The following EEFSEC variants were observed in gnomAD, a reference collection of about 807,000 sequenced individuals.
EEFSEC encodes selenocysteine-specific elongation factor.
Under a neutral mutation model 42.1 loss-of-function variants are expected in EEFSEC, and 43 were observed. The observed-to-expected ratio is 1.02, with a 90% CI of 0.80 to 1.32. The LOEUF is 1.32. Among genes scored for constraint, EEFSEC ranks in the 40% most tolerant of loss-of-function variants. The pLI, the probability that EEFSEC is intolerant of heterozygous loss-of-function variation, is 0.00. For missense variants in EEFSEC, 745 were observed against 803.6 expected, an observed-to-expected ratio of 0.93 and a Z score of 0.88; for synonymous variants, 354 against 339.1, an observed-to-expected ratio of 1.04 and a Z score of -0.48.
Position 128,389,409 on chromosome 3 carries a change from G to C in EEFSEC, c.1601-18660G>C, listed in dbSNP as rs559636638. ...CTCAGCCATCCCAGACAGATTTTCT[G>C]TTCAGCCTTGGTTGCCATATGAGGA... On this transcript the variant is annotated intron_variant, in intron 6 of 6. Transcript: ENST00000254730. 1.2e-4 allele frequency among the ~76,000 whole-genome samples: 18 copies of C among 152,356 alleles called. No individual in the cohort carries two copies. In the South Asian group the frequency reaches 1.7e-3, roughly 14 times the overall value.
At chr3:128,209,890 G>A (rs1429756863) in intron 1 of EEFSEC, among the ~76,000 whole-genome samples, 1 of 152,206 alleles carries the variant, frequency 6.6e-6, no homozygotes, top group East Asian at 1.9e-4. Context: ...TAACCAAAAT[G>A]TTAATAATTT....
intron 1 of EEFSEC, among the ~76,000 whole-genome samples, chr3:128,207,259 C>A (rs1231688394): frequency 7.1e-6 from 1 of 140,696 alleles, no homozygotes; most frequent in Non-Finnish European, 1.5e-5. Context: ...CCCCTCCCTC[C>A]ATTTTCTTCC....
chr3:128,265,917 C>A (rs2066349288), intron 4 of EEFSEC, among the ~76,000 whole-genome samples: 1 of 152,156 alleles, frequency 6.6e-6, no homozygotes, highest in African/African-American at 2.4e-5. Context: ...CCAACTAATG[C>A]ACCTAGTATT....
At chr3:128,394,187 A>G (rs1220479071) in intron 6 of EEFSEC, among the ~76,000 whole-genome samples, 1 of 152,226 alleles carries the variant, frequency 6.6e-6, no homozygotes, top group Non-Finnish European at 1.5e-5. Flanking sequence ...CCTGGGCCTC[A>G]GCCCCTGCAG....
chr3:128,355,941 C>T (rs1412812194), intron 5 of EEFSEC, among the ~76,000 whole-genome samples: 2 of 152,198 alleles, frequency 1.3e-5, no homozygotes, highest in Non-Finnish European at 2.9e-5. Context: ...CCACAGGGAA[C>T]GCTGTAGGCA....
chr3:128,233,697 A>G (rs1231167918), intron 1 of EEFSEC, among the ~76,000 whole-genome samples: 1 of 152,178 alleles, frequency 6.6e-6, no homozygotes, highest in Non-Finnish European at 1.5e-5. Flanking sequence ...CTCTTCCCTC[A>G]GCCTCATGGT....
chr3:128,299,424 T>TTTTG (rs373396987), intron 4 of EEFSEC, among the ~76,000 whole-genome samples: 3 of 152,176 alleles, frequency 2.0e-5, no homozygotes, highest in African/African-American at 7.2e-5. Flanking sequence ...ATTTATGTGT[T>TTTTG]TTTGTTTGTT....
the EEFSEC span, among the ~76,000 whole-genome samples, chr3:128,417,384 G>T: frequency 2.0e-5 from 3 of 151,900 alleles, no homozygotes; most frequent in African/African-American, 7.3e-5. This position sits in a 1 kb window ranked among gnomAD's most constrained non-coding sequence, Gnocchi z 4.3. Context: ...ACTCCCTCCC[G>T]CCTCAGGGCC....
At chr3:128,287,076 G>GT (rs1332174720) in intron 4 of EEFSEC, among the ~76,000 whole-genome samples, 2 of 152,208 alleles carry the variant, frequency 1.3e-5, no homozygotes, top group African/African-American at 4.8e-5. Flanking sequence ...AACAAGGGTG[G>GT]TTTTTTACTG....
intron 4 of EEFSEC, among the ~76,000 whole-genome samples, chr3:128,319,878 T>G (rs991476969): frequency 6.6e-6 from 1 of 152,230 alleles, no homozygotes; most frequent in East Asian, 1.9e-4. Flanking sequence ...TAGCCCCTCT[T>G]GCAGGCCTGC....
At chr3:128,292,357 T>C (rs1452354642) in intron 4 of EEFSEC, among the ~76,000 whole-genome samples, 2 of 152,080 alleles carry the variant, frequency 1.3e-5, no homozygotes, top group African/African-American at 4.8e-5. Context: ...TTTTTGCTCT[T>C]TTTTTATTAT....
chr3:128,373,113 C>A (rs543936059), intron 6 of EEFSEC, among the ~76,000 whole-genome samples: 2 of 151,810 alleles, frequency 1.3e-5, no homozygotes, highest in Non-Finnish European at 2.9e-5. Flanking sequence ...AAGATGAGGC[C>A]CTGAGAAGTG....
intron 1 of EEFSEC, among the ~76,000 whole-genome samples, chr3:128,192,684 T>C (rs188454207): frequency 1.3e-4 from 20 of 152,324 alleles, no homozygotes; most frequent in Admixed American, 3.3e-4. Context: ...GATTAACTCT[T>C]TCCACAGTAT....
chr3:128,225,553 A>G (rs1284337635), intron 1 of EEFSEC, among the ~76,000 whole-genome samples: 1 of 152,238 alleles, frequency 6.6e-6, no homozygotes, highest in Non-Finnish European at 1.5e-5. Flanking sequence ...TGTTGTGAAG[A>G]TAATGTGAAT....
chr3:128,231,454 G>GT (rs1441673480), intron 1 of EEFSEC, among the ~76,000 whole-genome samples: 1 of 152,196 alleles, frequency 6.6e-6, no homozygotes, highest in Non-Finnish European at 1.5e-5. Flanking sequence ...TACCTTCTTT[G>GT]TTCTAAGCAG....
At chr3:128,320,303 A>G (rs2108036632) in intron 4 of EEFSEC, among the ~76,000 whole-genome samples, 1 of 152,290 alleles carries the variant, frequency 6.6e-6, no homozygotes, top group South Asian at 2.1e-4. Context: ...TTTCATTGTC[A>G]CCATAATCCA....
intron 6 of EEFSEC, among the ~76,000 whole-genome samples, chr3:128,389,250 C>A (rs552331292): frequency 2.0e-5 from 3 of 152,340 alleles, no homozygotes; most frequent in African/African-American, 7.2e-5. Context: ...CACAGCCCTG[C>A]AGAGGAGGAA....
chr3:128,338,800 G>A (rs1255660164), intron 4 of EEFSEC, among the ~76,000 whole-genome samples: 2 of 152,076 alleles, frequency 1.3e-5, no homozygotes, highest in East Asian at 1.9e-4. Flanking sequence ...CTTGTGGGGC[G>A]GTGGAGGGGG....
At chr3:128,309,459 T>C (rs1341962411) in intron 4 of EEFSEC, among the ~76,000 whole-genome samples, 1 of 152,228 alleles carries the variant, frequency 6.6e-6, no homozygotes, top group Non-Finnish European at 1.5e-5. Context: ...TGCTGTCTGC[T>C]GAACGCTTAC....
Sources: allele counts gnomAD v4.1 joint callset (sites outside exome capture counted in the v4.1 genomes callset), GRCh38; gene constraint gnomAD v4.1.1; non-coding constraint Gnocchi (gnomAD v3.1); transcripts MANE v1.5; gene names NCBI Gene and HGNC (gene_info 2026-07-23, HGNC 2026-07-21).